The following TRIM72 variants were observed in gnomAD, a reference collection of about 807,000 sequenced individuals.
The protein encoded by TRIM72 is tripartite motif-containing protein 72.
A neutral mutation model predicts 31.6 loss-of-function variants in TRIM72; 33 were observed. The ratio of observed to expected loss-of-function variants is 1.04; its 90% CI spans 0.79 to 1.40. The LOEUF (loss-of-function observed/expected upper bound fraction) is 1.40, where lower values mean the gene tolerates loss of function less well. Among genes scored for constraint, TRIM72 ranks in the 40% most tolerant of loss-of-function variants. The pLI, the probability that TRIM72 is intolerant of heterozygous loss-of-function variation, is 0.00. For missense variants in TRIM72, 666 were observed against 682.7 expected, an observed-to-expected ratio of 0.98 and a Z score of 0.27; for synonymous variants, 301 against 314.4, an observed-to-expected ratio of 0.96 and a Z score of 0.45.
chr16:31,223,133 G>A (rs1238764669), intron 6 of TRIM72, among the ~76,000 whole-genome samples, 188 bp downstream of exon 6: 5 of 152,292 alleles, frequency 3.3e-5, no homozygotes, highest in Admixed American at 2.6e-4. Flanking sequence ...GAGAGCATGG[G>A]GTTTGCAGTG....
chr16:31,221,433 GGGAGAAGGGCATTTCTGGGA>G (rs2079533013), intron 5 of TRIM72, among the ~76,000 whole-genome samples: 1 of 149,944 alleles, frequency 6.7e-6, no homozygotes, highest in Non-Finnish European at 1.5e-5. Flanking sequence ...GGGCATTGCT[GGGAGAAGGGCATTTCTGGGA>G]GAAGAAGGAC....
chr16:31,224,355 A>C lies in TRIM72; in HGVS notation c.1034A>C (p.His345Pro). ...VAHQQLSEGEHYWEVDVGDKP... is the reference protein window; with the variant it reads ...VAHQQLSEGEPYWEVDVGDKP... ...CACCAGCAGCTCTCCGAGGGCGAGC[A>C]CTACTGGGAGGTGGATGTTGGCGAC... Residue 345 changes from histidine to proline, a missense_variant, in exon 7 of 7, where the codon CAC (histidine) becomes CCC (proline). Physicochemically the swap from His to Pro is moderately conservative, Grantham distance 77. Transcript: ENST00000322122. 4 of 1,546,662 alleles carry C rather than the reference A, an allele frequency of 2.6e-6. No homozygotes were observed. The highest frequency in any genetic ancestry group is 3.5e-6 in the Non-Finnish European group (4 of 1,153,106).
Position 31,216,483 on chromosome 16 carries a change from T to C in TRIM72, c.390+1355T>C. ...CCAACCTCGCCCAACCTTGCCCGTC[T>C]TTATCTGCGAAGAAAGCACAGAACC... On this transcript the variant is annotated intron_variant, in intron 2 of 6. Transcript: ENST00000322122. The surrounding 1 kb of genome is among the most constrained non-coding windows in gnomAD (Gnocchi z 6.7). 1 of 410,576 alleles carries C rather than the reference T, an allele frequency of 2.4e-6. No homozygotes were observed. Among genetic ancestry groups the C allele is most frequent in the Non-Finnish European group, 4.3e-6 (1 of 232,648 alleles). The allele number at this position is 410,576 out of a possible 1,614,324, so 25.4% of individuals were successfully genotyped here. A position where few individuals can be genotyped will look rare whatever the true frequency, so the allele number is the denominator to read the frequency against.
chr16:31,215,680 C>T lies in TRIM72; in HGVS notation c.390+552C>T, dbSNP rs561135621. Among the ~76,000 whole-genome samples, 34 of 152,340 alleles carry T rather than the reference C, an allele frequency of 2.2e-4. No homozygotes were observed. Among genetic ancestry groups the T allele is most frequent in the Non-Finnish European group, 4.0e-4 (27 of 68,030 alleles). ...GCCTGACGGTCCCCAGGCGGGGCCT[C>T]ACCAGAAGGGAGACTGTAAGGGCTA... On this transcript the variant is annotated intron_variant, in intron 2 of 6. Coordinates refer to ENST00000322122, the MANE Select transcript of TRIM72 (RefSeq NM_001008274.4). The surrounding 1 kb of genome is among the most constrained non-coding windows in gnomAD (Gnocchi z 6.3).
rs2079560194 is a variant in TRIM72, at chr16:31,228,241, C to T, written c.*3486C>T. ...CTAGGATTACAGGCTTGAACCGCCG[C>T]GCCCAGCCCCAGCTTCATCTTAAAA... On this transcript the variant is annotated 3_prime_UTR_variant, in exon 7 of 7. Coordinates refer to ENST00000322122, the MANE Select transcript of TRIM72 (RefSeq NM_001008274.4). 1.3e-5 allele frequency: 2 copies of T among 151,694 alleles called. No homozygotes were observed. Among genetic ancestry groups the T allele is most frequent in the South Asian group, 2.1e-4 (1 of 4,790 alleles). 9.4% of individuals were successfully genotyped at this position (151,694 alleles called of 1,614,324 possible). A position where few individuals can be genotyped will look rare whatever the true frequency, so the allele number is the denominator to read the frequency against.
At position 31,216,742 on chromosome 16, in the gene TRIM72, C is replaced by A. The variant is rs577520252; in HGVS notation, c.390+1614C>A. ...CGGGGTTGGGTCCCGAGATCACGTACCAGCTCAGAGTGGCCCTCACGCAGC... is the reference window on the plus strand; with the variant it reads ...CGGGGTTGGGTCCCGAGATCACGTAACAGCTCAGAGTGGCCCTCACGCAGC... On this transcript the variant is annotated intron_variant, in intron 2 of 6. Transcript: ENST00000322122. The surrounding 1 kb of genome is among the most constrained non-coding windows in gnomAD (Gnocchi z 6.7). 374 of 1,586,896 alleles carry A rather than the reference C, an allele frequency of 2.4e-4. 4 individuals carry two copies. In the East Asian group the frequency reaches 8.3e-3, roughly 35 times the overall value.
Position 31,214,869 on chromosome 16 carries a change from A to C in TRIM72, c.131A>C (p.Glu44Ala), listed in dbSNP as rs1366221016. ...GCCTGCCTAGGCCGCGTGGCCGGGG[A>C]GCCGGCGGCGGATGGCACCGTTCTC... is the stretch of plus-strand genomic sequence containing the variant. ...CRACLGRVAGEPAADGTVLCP... is the reference protein window; with the variant it reads ...CRACLGRVAGAPAADGTVLCP... The change falls in exon 2 of 7, where the codon GAG becomes GCG. Residue 44 changes from glutamate (E) to alanine (A), a missense_variant. Glu to Ala is a moderately radical substitution (Grantham distance 107). Coordinates refer to ENST00000322122, the MANE Select transcript of TRIM72 (RefSeq NM_001008274.4). The C allele has an allele frequency of 1.3e-6, 2 of 1,532,326 alleles. No homozygotes were observed. The highest frequency in any genetic ancestry group is 3.9e-5 in the Admixed American group (2 of 51,634). The allele number at this position is 1,532,326 out of a possible 1,614,324, so 94.9% of individuals were successfully genotyped here.
Position 31,216,696 on chromosome 16 carries a change from C to A in TRIM72, c.390+1568C>A. On this transcript the variant is annotated intron_variant, in intron 2 of 6. Coordinates refer to ENST00000322122, the MANE Select transcript of TRIM72 (RefSeq NM_001008274.4). The surrounding 1 kb of genome is among the most constrained non-coding windows in gnomAD (Gnocchi z 6.7). Reference sequence around the variant, plus strand: ...GGAAGGCTCTGGGCGGGACCTGACGCGTGGGTCCTTGGCGAGGAAGCGGGG... The same window carrying A: ...GGAAGGCTCTGGGCGGGACCTGACGAGTGGGTCCTTGGCGAGGAAGCGGGG... 2 of 1,541,788 alleles carry A rather than the reference C, an allele frequency of 1.3e-6. No homozygotes were observed. Among genetic ancestry groups the A allele is most frequent in the Non-Finnish European group, 1.8e-6 (2 of 1,139,192 alleles).
intron 4 of TRIM72, 69 bp from the exon 5 acceptor site, chr16:31,220,827 C>T: frequency 6.3e-7 from 1 of 1,596,642 alleles, no homozygotes. Flanking sequence ...AGTTGTCTAC[C>T]CCATCCTCAA....
Position 31,224,716 on chromosome 16 carries a change from G to A in TRIM72, c.1395G>A (p.Gln465=). Residue 465 remains glutamine, a synonymous_variant, in exon 7 of 7, where the codon CAG becomes CAA. Transcript: ENST00000322122. ...GGCACGACAAGGGCAAGAATGCCCA[G>A]CCGCTGCTGCTCGTGGGTCCCGAAG... The part of the protein sequence containing the change: ...VCWHDKGKNA[Q]PLLLVGPEGA... The A allele has an allele frequency of 6.5e-7, 1 of 1,529,488 alleles. No homozygotes were observed. The highest frequency in any genetic ancestry group is 8.7e-7 in the Non-Finnish European group (1 of 1,143,740). 94.7% of individuals were successfully genotyped at this position (1,529,488 alleles called of 1,614,324 possible). A position where few individuals can be genotyped will look rare whatever the true frequency, so the allele number is the denominator to read the frequency against.
rs1329674382 is a variant in TRIM72 at position 31,216,855 on chromosome 16, GGCGACCA to G, written c.390+1730_390+1736del. 10 of 1,613,868 alleles carry G rather than the reference GGCGACCA, an allele frequency of 6.2e-6. No individual in the cohort carries two copies. The highest frequency in any genetic ancestry group is 8.5e-6 in the Non-Finnish European group (10 of 1,179,984). ...CGGCTGCGTAGTCCTCGTAGTAGGA[GGCGACCA>G]GCTTGTCGGTGAGGTCCACGATATC... On this transcript the variant is annotated intron_variant, in intron 2 of 6. Coordinates refer to ENST00000322122, the MANE Select transcript of TRIM72 (RefSeq NM_001008274.4). This position sits in a 1 kb window ranked among gnomAD's most constrained non-coding sequence, Gnocchi z 6.7.
chr16:31,214,631 C>G (rs1426531412), intron 1 of TRIM72, 101 bp from the exon 2 acceptor site: 6 of 1,279,630 alleles, frequency 4.7e-6, no homozygotes, highest in Non-Finnish European at 6.1e-6. Flanking sequence ...TGGGGCTTCT[C>G]CCTGCGGGGC....
In TRIM72 at chr16:31,219,846, T is replaced by G. The variant is rs1449656882; in HGVS notation, c.717+327T>G. On this transcript the variant is annotated intron_variant, in intron 4 of 6. Transcript: ENST00000322122. This position sits in a 1 kb window ranked among gnomAD's most constrained non-coding sequence, Gnocchi z 4.2. ...GGCAGGATCTTGGCTCACTGCAAGC[T>G]CCGCCTCCTGGGTTCATGCTATTCT... 6.6e-6 allele frequency among the ~76,000 whole-genome samples: 1 copy of G among 151,390 alleles called. No individual in the cohort carries two copies. Among genetic ancestry groups the G allele is most frequent in the Non-Finnish European group, 1.5e-5 (1 of 67,804 alleles).
intron 6 of TRIM72, 96 bp downstream of exon 6, chr16:31,223,041 G>T: frequency 1.1e-6 from 1 of 897,204 alleles, no homozygotes; most frequent in Non-Finnish European, 1.8e-6. Flanking sequence ...AACTGGGGAG[G>T]CCACTGAAGG....
In TRIM72 at chr16:31,224,446, G is replaced by A; in HGVS notation, c.1125G>A (p.Val375=). ...EAPRRGRLHA[V]PSQGLWLLGL... Reference sequence around the variant, plus strand: ...CCCGCCGCGGGCGCCTGCACGCGGTGCCCTCGCAGGGCCTGTGGCTGCTGG... The same window carrying A: ...CCCGCCGCGGGCGCCTGCACGCGGTACCCTCGCAGGGCCTGTGGCTGCTGG... The change falls in exon 7 of 7, where the codon GTG becomes GTA. Residue 375 remains valine (V), a synonymous_variant. Transcript: ENST00000322122. The A allele has an allele frequency of 6.9e-7, 1 of 1,440,110 alleles. No individual in the cohort carries two copies. Among genetic ancestry groups the A allele is most frequent in the Admixed American group, 3.2e-5 (1 of 31,204 alleles). 89.2% of individuals were successfully genotyped at this position (1,440,110 alleles called of 1,614,324 possible).
Position 31,215,017 on chromosome 16 carries a change from G to C in TRIM72, c.279G>C (p.Leu93=), listed in dbSNP as rs1188593613. ...ACTGCGAGGAGCACCTGGACCCGCT[G>C]AGCATCTACTGCGAGCAGGACCGCG... is the stretch of plus-strand genomic sequence containing the variant. The part of the protein sequence containing the change: ...QGHCEEHLDP[L]SIYCEQDRAL... The change falls in exon 2 of 7, where the codon CTG becomes CTC. Residue 93 remains leucine, a synonymous_variant. Transcript: ENST00000322122. This position sits in a 1 kb window ranked among gnomAD's most constrained non-coding sequence, Gnocchi z 6.3. The C allele has an allele frequency of 6.6e-7, 1 of 1,507,194 alleles. No homozygotes were observed. Among genetic ancestry groups the C allele is most frequent in the African/African-American group, 1.4e-5 (1 of 69,400 alleles). The allele number at this position is 1,507,194 out of a possible 1,614,324, so 93.4% of individuals were successfully genotyped here.
rs1198355955 is a variant in TRIM72 at position 31,229,610 on chromosome 16, A to G, written c.*4855A>G. On this transcript the variant is annotated 3_prime_UTR_variant, in exon 7 of 7. Coordinates refer to ENST00000322122, the MANE Select transcript of TRIM72 (RefSeq NM_001008274.4). ...AGGAAGGTGAAATGTGAACAGAGAA[A>G]GGAGTTCCTCCAGCACATGTGTTCT... 1.3e-5 allele frequency: 2 copies of G among 152,170 alleles called. No individual in the cohort carries two copies. The highest frequency in any genetic ancestry group is 4.8e-5 in the African/African-American group (2 of 41,438). 9.4% of individuals were successfully genotyped at this position (152,170 alleles called of 1,614,324 possible).
At chr16:31,222,345 A>C (rs1422565846) in intron 5 of TRIM72, among the ~76,000 whole-genome samples, 2 of 150,876 alleles carry the variant, frequency 1.3e-5, no homozygotes, top group Admixed American at 6.6e-5. Flanking sequence ...GTGAGCCAAG[A>C]TCATGCCACT....
rs1237708411 is a variant in TRIM72, at chr16:31,224,872, C to G, written c.*117C>G. On this transcript the variant is annotated 3_prime_UTR_variant, in exon 7 of 7. Coordinates refer to ENST00000322122, the MANE Select transcript of TRIM72 (RefSeq NM_001008274.4). ...TTGCCAGGGCCCAGGGGGCTGGGAACTGGGGGATCTCCCAGAATACTGACA... is the reference window on the plus strand; with the variant it reads ...TTGCCAGGGCCCAGGGGGCTGGGAAGTGGGGGATCTCCCAGAATACTGACA... 3 of 1,058,814 alleles carry G rather than the reference C, an allele frequency of 2.8e-6. No individual in the cohort carries two copies. The highest frequency in any genetic ancestry group is 3.9e-6 in the Non-Finnish European group (3 of 775,622). 65.6% of individuals were successfully genotyped at this position (1,058,814 alleles called of 1,614,324 possible).
Sources: allele counts gnomAD v4.1 joint callset (sites outside exome capture counted in the v4.1 genomes callset), GRCh38; gene constraint gnomAD v4.1.1; non-coding constraint Gnocchi (gnomAD v3.1); transcripts MANE v1.5; gene names NCBI Gene and HGNC (gene_info 2026-07-23, HGNC 2026-07-21).